The following PTPRT variants were observed in gnomAD, a reference collection of about 807,000 sequenced individuals.
PTPRT encodes receptor-type tyrosine-protein phosphatase T.
A neutral mutation model predicts 176.8 loss-of-function variants in PTPRT; 56 were observed. The observed-to-expected ratio is 0.32, with a 90% CI of 0.26 to 0.40. The LOEUF (loss-of-function observed/expected upper bound fraction) is 0.40, where lower values mean the gene tolerates loss of function less well. Among genes scored for constraint, PTPRT ranks in the 10% least tolerant of loss-of-function variants. PTPRT has a pLI of 1.00. For missense variants in PTPRT, 1,540 were observed against 1,908.2 expected (o/e 0.81, Z 3.60); for synonymous variants, 783 against 739.0 (o/e 1.06, Z -0.96).
intron 7 of PTPRT, among the ~76,000 whole-genome samples, chr20:42,629,586 G>C (rs1171868224): frequency 6.6e-6 from 1 of 152,190 alleles, no homozygotes; most frequent in East Asian, 1.9e-4. Context: ...GATATATTCT[G>C]AGTGTTCCTC....
intron 1 of PTPRT, among the ~76,000 whole-genome samples, chr20:42,961,994 T>C (rs1036208497): frequency 6.6e-6 from 1 of 151,942 alleles, no homozygotes; most frequent in African/African-American, 2.4e-5. Flanking sequence ...GGAAACAGAT[T>C]CTCCCCTACA....
rs532413643 is a variant in PTPRT, at chr20:42,593,569, C to T, written c.1153+84297G>A. 8.5e-5 allele frequency among the ~76,000 whole-genome samples: 13 copies of T among 152,268 alleles called. No individual in the cohort carries two copies. In the South Asian group the frequency reaches 2.7e-3, roughly 32 times the overall value. On this transcript the variant is annotated intron_variant, in intron 7 of 30. Coordinates refer to ENST00000373187, the MANE Select transcript of PTPRT (RefSeq NM_007050.6). Reference sequence around the variant, plus strand: ...AACCAGATTTGGTGGAAAGTGAGGACCTCAATATTTCCACATTTGCTGACA... The same window carrying T: ...AACCAGATTTGGTGGAAAGTGAGGATCTCAATATTTCCACATTTGCTGACA...
intron 16 of PTPRT, among the ~76,000 whole-genome samples, chr20:42,197,464 C>G (rs560792786): frequency 5.7e-5 from 8 of 139,936 alleles, no homozygotes; most frequent in Non-Finnish European, 1.1e-4. Flanking sequence ...AGGATAAAGA[C>G]AGCTGAAAAC....
At chr20:42,974,621 C>G (rs1982837785) in intron 1 of PTPRT, among the ~76,000 whole-genome samples, 2 of 152,124 alleles carry the variant, frequency 1.3e-5, no homozygotes, top group Non-Finnish European at 2.9e-5. Context: ...GAGATCATAT[C>G]TGCTAAAAGC....
intron 1 of PTPRT, among the ~76,000 whole-genome samples, chr20:43,083,341 T>TATGTATATATATAC (rs1568774008): frequency 9.8e-5 from 4 of 40,672 alleles, no homozygotes; most frequent in African/African-American, 2.1e-4. Context: ...TATATATATA[T>TATGTATATATATAC]ATATATATAT....
chr20:42,529,278 C>CT (rs2072334087), intron 7 of PTPRT, among the ~76,000 whole-genome samples: 1 of 152,112 alleles, frequency 6.6e-6, no homozygotes, highest in African/African-American at 2.4e-5. Context: ...TAAAAGGTAT[C>CT]TGAGGTTTAA....
chr20:42,341,767 T>C (rs2058114567), intron 11 of PTPRT, among the ~76,000 whole-genome samples: 1 of 152,120 alleles, frequency 6.6e-6, no homozygotes, highest in Non-Finnish European at 1.5e-5. Context: ...TGACAACCAC[T>C]CTTCTTTCCC....
intron 1 of PTPRT, among the ~76,000 whole-genome samples, chr20:42,936,762 T>A (rs542055350): frequency 6.6e-6 from 1 of 152,308 alleles, no homozygotes; most frequent in Admixed American, 6.5e-5. Context: ...GCTGATGGGT[T>A]AGATGTGGAG....
chr20:42,284,260 A>G (rs879140954), intron 12 of PTPRT, among the ~76,000 whole-genome samples: 2 of 152,140 alleles, frequency 1.3e-5, no homozygotes, highest in Admixed American at 1.3e-4. Context: ...TTCTATTAAC[A>G]TAGCTAACAT....
chr20:43,108,940 G>C (rs1226406657), intron 1 of PTPRT, among the ~76,000 whole-genome samples: 1 of 152,022 alleles, frequency 6.6e-6, no homozygotes, highest in African/African-American at 2.4e-5. Flanking sequence ...TTCACCCAAT[G>C]CATTGCCTTC....
At chr20:42,538,446 T>C (rs967720617) in intron 7 of PTPRT, among the ~76,000 whole-genome samples, 9 of 152,172 alleles carry the variant, frequency 5.9e-5, no homozygotes, top group Non-Finnish European at 1.3e-4. Context: ...TAATAGGTCC[T>C]AGAAAGAGGG....
intron 7 of PTPRT, among the ~76,000 whole-genome samples, chr20:42,648,822 T>TTTTTGTTTTGTTTTG (rs2074969740): frequency 7.1e-5 from 3 of 42,334 alleles, no homozygotes; most frequent in Admixed American, 5.8e-4. Flanking sequence ...GTGTCGTTGT[T>TTTTTGTTTTGTTTTG]TTTTTTTTTT....
At chr20:42,234,417 C>G (rs1354745702) in intron 15 of PTPRT, among the ~76,000 whole-genome samples, 2 of 152,216 alleles carry the variant, frequency 1.3e-5, no homozygotes, top group Admixed American at 1.3e-4. Context: ...AGCTCATTCT[C>G]TTTCCACCAT....
At chr20:42,711,955 A>C (rs2076150979) in intron 6 of PTPRT, among the ~76,000 whole-genome samples, 1 of 152,062 alleles carries the variant, frequency 6.6e-6, no homozygotes, top group Non-Finnish European at 1.5e-5. Context: ...CATGACTCTC[A>C]TTCACTGTGG....
chr20:42,540,224 G>A (rs1213857874), intron 7 of PTPRT, among the ~76,000 whole-genome samples: 2 of 152,164 alleles, frequency 1.3e-5, no homozygotes, highest in Non-Finnish European at 2.9e-5. Flanking sequence ...CACACTGGAT[G>A]CTGGGATGTA....
intron 1 of PTPRT, among the ~76,000 whole-genome samples, chr20:42,944,120 TA>T (rs1980736089): frequency 6.6e-6 from 1 of 152,158 alleles, no homozygotes. Context: ...CCACCTCCAG[TA>T]ACACCTTCCA....
chr20:42,285,150 C>A (rs1361359444), intron 12 of PTPRT, among the ~76,000 whole-genome samples: 1 of 151,906 alleles, frequency 6.6e-6, no homozygotes, highest in Admixed American at 6.6e-5. Flanking sequence ...CCAATAGCAC[C>A]ATACCCTGTG....
At chr20:43,144,866 C>T (rs1486265508) in intron 1 of PTPRT, among the ~76,000 whole-genome samples, 1 of 152,216 alleles carries the variant, frequency 6.6e-6, no homozygotes, top group African/African-American at 2.4e-5. Context: ...GCTTCCACTG[C>T]TCTGGGAATG....
At chr20:42,471,516 T>G (rs918327752) in intron 8 of PTPRT, among the ~76,000 whole-genome samples, 2 of 152,178 alleles carry the variant, frequency 1.3e-5, no homozygotes, top group African/African-American at 4.8e-5. Context: ...GAGTAAAAGC[T>G]CCTCAGCCTC....
Sources: allele counts gnomAD v4.1 joint callset (sites outside exome capture counted in the v4.1 genomes callset), GRCh38; gene constraint gnomAD v4.1.1; transcripts MANE v1.5; gene names NCBI Gene and HGNC (gene_info 2026-07-23, HGNC 2026-07-21).